Variants in EXOC4 observed in about 807,000 individuals in gnomAD.
The protein encoded by EXOC4 is SEC8-like 1.
EXOC4 carries 71 observed loss-of-function variants against 107.2 expected under a neutral mutation model. The ratio of observed to expected loss-of-function variants is 0.66; its 90% CI spans 0.55 to 0.81. The LOEUF (loss-of-function observed/expected upper bound fraction) is 0.81, where lower values mean the gene tolerates loss of function less well. Ranked by LOEUF, EXOC4 falls within the 30% of genes least tolerant of loss-of-function variation. The pLI, the probability that EXOC4 is intolerant of heterozygous loss-of-function variation, is 0.00. For missense variants in EXOC4, 1,108 were observed against 1,189.6 expected (o/e 0.93, Z 1.01); for synonymous variants, 456 against 441.2 (o/e 1.03, Z -0.42).
intron 11 of EXOC4, among the ~76,000 whole-genome samples, chr7:133,837,951 C>T (rs1330440309): frequency 1.3e-5 from 2 of 152,102 alleles, no homozygotes; most frequent in Admixed American, 6.6e-5. Flanking sequence ...ACCCTTACAG[C>T]GCTGGATAAA....
In EXOC4 at chr7:133,817,569, A is replaced by G. The variant is rs201342841; in HGVS notation, c.1734+25A>G. The G allele has an allele frequency of 1.4e-5, 22 of 1,526,016 alleles. No homozygotes were observed. The Admixed American group carries it at 2.7e-4, about 19-fold the overall frequency. The allele number at this position is 1,526,016 out of a possible 1,614,324, so 94.5% of individuals were successfully genotyped here. ...GGTAATAATACACTTTGAACTTACT[A>G]TTTTTATCAGCAATTTTCATTGACT... On this transcript the variant is annotated intron_variant, in intron 11 of 17. Transcript: ENST00000253861.
At chr7:133,579,902 G>A (rs1801214773) in intron 9 of EXOC4, among the ~76,000 whole-genome samples, 2 of 152,096 alleles carry the variant, frequency 1.3e-5, no homozygotes, top group South Asian at 2.1e-4. Context: ...TGGCCAGGAT[G>A]GCCAGGATGG....
chr7:133,470,491 A>G (rs1219653079), intron 7 of EXOC4, among the ~76,000 whole-genome samples: 3 of 152,210 alleles, frequency 2.0e-5, no homozygotes, highest in Non-Finnish European at 4.4e-5. Flanking sequence ...TATTTTGACC[A>G]CAGAGCCATT....
chr7:133,797,191 C>T (rs1242444416), intron 10 of EXOC4, among the ~76,000 whole-genome samples: 5 of 152,158 alleles, frequency 3.3e-5, no homozygotes, highest in Non-Finnish European at 5.9e-5. Flanking sequence ...GAATAAAACA[C>T]AGTTTGCATA....
intron 12 of EXOC4, among the ~76,000 whole-genome samples, chr7:133,905,803 G>A (rs184778124): frequency 6.6e-6 from 1 of 152,264 alleles, no homozygotes; most frequent in East Asian, 1.9e-4. Context: ...TCAGAGAGGA[G>A]CTAGAACTCA....
intron 10 of EXOC4, among the ~76,000 whole-genome samples, chr7:133,632,388 G>A (rs1802611972): frequency 6.6e-6 from 1 of 152,120 alleles, no homozygotes; most frequent in South Asian, 2.1e-4. Context: ...AAAATATTAT[G>A]TGGTCTGAAA....
chr7:133,745,992 A>T (rs1195573959), intron 10 of EXOC4, among the ~76,000 whole-genome samples: 1 of 152,120 alleles, frequency 6.6e-6, no homozygotes, highest in African/African-American at 2.4e-5. Context: ...AACATTTTTT[A>T]AAAAGGCTAT....
In EXOC4 at chr7:134,015,774, C is replaced by T. The variant is rs113876028; in HGVS notation, c.2687+7939C>T. On this transcript the variant is annotated intron_variant, in intron 17 of 17. Transcript: ENST00000253861. ...CCTGTAATCCCAGCTACTTGGGAGG[C>T]TGAGGCAGGGGAATCACTTGAACCT... 2.2e-3 allele frequency among the ~76,000 whole-genome samples: 340 copies of T among 151,232 alleles called. 1 individual carries two copies. Among genetic ancestry groups the T allele is most frequent in the South Asian group, 9.2e-3 (44 of 4,762 alleles).
At chr7:133,810,590 GCTT>G (rs1797198483) in intron 10 of EXOC4, among the ~76,000 whole-genome samples, 1 of 58,130 alleles carries the variant, frequency 1.7e-5, no homozygotes, top group Non-Finnish European at 4.1e-5. Flanking sequence ...TAAGATCCAT[GCTT>G]TGCTTTATTT....
intron 10 of EXOC4, among the ~76,000 whole-genome samples, chr7:133,767,939 T>G (rs1272749764): frequency 6.6e-6 from 1 of 151,908 alleles, no homozygotes; most frequent in African/African-American, 2.4e-5. Flanking sequence ...TCGGTTAAAG[T>G]AGTTTTAGGG....
intron 13 of EXOC4, among the ~76,000 whole-genome samples, chr7:133,918,162 A>G (rs1370671152): frequency 1.3e-5 from 2 of 151,420 alleles, no homozygotes. Context: ...TTTTATTTTT[A>G]GTAGAGACGG....
At chr7:133,631,044 G>A (rs1170373748) in intron 10 of EXOC4, among the ~76,000 whole-genome samples, 1 of 152,086 alleles carries the variant, frequency 6.6e-6, no homozygotes, top group Non-Finnish European at 1.5e-5. Context: ...TTTAAAAAAG[G>A]TTGATGGTAA....
chr7:133,743,180 A>G (rs1488871398), intron 10 of EXOC4, among the ~76,000 whole-genome samples: 1 of 152,188 alleles, frequency 6.6e-6, no homozygotes, highest in African/African-American at 2.4e-5. Flanking sequence ...CAATCGATAG[A>G]AAAATTAAAA....
chr7:133,415,830 G>A (rs1424087563), intron 7 of EXOC4, among the ~76,000 whole-genome samples: 2 of 152,290 alleles, frequency 1.3e-5, no homozygotes, highest in Middle Eastern at 3.4e-3. Context: ...TTGTTGTAAT[G>A]AGAGTAGAAA....
intron 12 of EXOC4, among the ~76,000 whole-genome samples, chr7:133,916,921 A>T (rs1176426197): frequency 6.6e-6 from 1 of 152,218 alleles, no homozygotes; most frequent in East Asian, 1.9e-4. Context: ...TTTACAGGTA[A>T]CATTCTGGTA....
intron 1 of EXOC4, among the ~76,000 whole-genome samples, chr7:133,260,718 C>T (rs185547869): frequency 6.6e-6 from 1 of 152,130 alleles, no homozygotes. Flanking sequence ...GAATTGACAT[C>T]TTAATATTGA....
At chr7:133,596,912 G>T (rs550324997) in intron 9 of EXOC4, among the ~76,000 whole-genome samples, 1 of 152,156 alleles carries the variant, frequency 6.6e-6, no homozygotes, top group African/African-American at 2.4e-5. Flanking sequence ...CTTCGGGTCG[G>T]CCTCCCATGA....
intron 12 of EXOC4, among the ~76,000 whole-genome samples, chr7:133,913,646 G>C (rs147411388): frequency 1.6e-3 from 250 of 152,310 alleles, no homozygotes; most frequent in African/African-American, 5.7e-3. Flanking sequence ...GAGAGAGAGA[G>C]AGAGAAGTAG....
chr7:133,337,420 T>C (rs1795543179), intron 5 of EXOC4, among the ~76,000 whole-genome samples: 1 of 152,114 alleles, frequency 6.6e-6, no homozygotes. Context: ...TCTTATAATT[T>C]TTTCTGTGTT....
Sources: allele counts gnomAD v4.1 joint callset (sites outside exome capture counted in the v4.1 genomes callset), GRCh38; gene constraint gnomAD v4.1.1; transcripts MANE v1.5; gene names NCBI Gene and HGNC (gene_info 2026-07-23, HGNC 2026-07-21).